The following OS9 variants were observed in gnomAD, a reference collection of about 807,000 sequenced individuals.
OS9 encodes protein OS-9.
In OS9, 58 loss-of-function variants were observed where a neutral mutation model predicts 84.7. The observed-to-expected ratio is 0.68, with a 90% CI of 0.55 to 0.85. The LOEUF is 0.85. Ranked by LOEUF, OS9 falls within the 40% of genes least tolerant of loss-of-function variation. OS9 has a pLI of 0.00. For missense variants in OS9, 760 were observed against 850.9 expected (o/e 0.89, Z 1.33); for synonymous variants, 278 against 320.8 (o/e 0.87, Z 1.43).
intron 5 of OS9, among the ~76,000 whole-genome samples, chr12:57,700,636 G>A (rs979090675): frequency 1.3e-5 from 2 of 152,118 alleles, no homozygotes; most frequent in African/African-American, 4.8e-5. Context: ...GGAACAACTG[G>A]TTAGCTATAT....
At chr12:57,697,256 T>G (rs17455486) in intron 5 of OS9, among the ~76,000 whole-genome samples, 2,962 of 152,272 alleles carry the variant, frequency 0.019, 39 homozygotes, top group Non-Finnish European at 0.03. Context: ...CTTGCAACAT[T>G]CTCCAAAACT....
chr12:57,699,059 G>A (rs1001829451), intron 5 of OS9, among the ~76,000 whole-genome samples: 1 of 152,132 alleles, frequency 6.6e-6, no homozygotes, highest in Admixed American at 6.5e-5. Context: ...AGATTTAGGG[G>A]GTAAAATCAA....
Position 57,718,133 on chromosome 12 carries a change from C to A in OS9, c.1135-13C>A. The A allele has an allele frequency of 6.2e-7, 1 of 1,610,864 alleles. No homozygotes were observed. The highest frequency in any genetic ancestry group is 8.5e-7 in the Non-Finnish European group (1 of 1,177,902). ...ACCCCAACTGTCTTTCTCCCCACTC[C>A]CTACCCACCCAGGGGAAGCCAAATA... On this transcript the variant is annotated splice_polypyrimidine_tract_variant and intron_variant, in intron 10 of 14. Transcript: ENST00000315970.
At chr12:57,698,329 G>A (rs1595032539) in intron 5 of OS9, among the ~76,000 whole-genome samples, 1 of 152,070 alleles carries the variant, frequency 6.6e-6, no homozygotes, top group South Asian at 2.1e-4. Context: ...CTAGTTATTC[G>A]TTTGGGTGTT....
In OS9 at chr12:57,715,784, A is replaced by G; in HGVS notation, c.604A>G (p.Ile202Val). 6.2e-7 allele frequency: 1 copy of G among 1,611,106 alleles called. No individual in the cohort carries two copies. The highest frequency in any genetic ancestry group is 8.5e-7 in the Non-Finnish European group (1 of 1,178,286). ...GTTCCTCTGTGACGAGGGTGCAGGT[A>G]TCTCTGGGGACTACATCGATCGCGT... is the stretch of plus-strand genomic sequence containing the variant. ...VRFLCDEGAG[I>V]SGDYIDRVDE... Residue 202 changes from isoleucine (I) to valine (V), a missense_variant, in exon 6 of 15, where the codon ATC (isoleucine) becomes GTC (valine). Ile to Val is a conservative substitution (Grantham distance 29, BLOSUM62 3). Coordinates refer to ENST00000315970, the MANE Select transcript of OS9 (RefSeq NM_006812.4).
intron 5 of OS9, among the ~76,000 whole-genome samples, chr12:57,711,231 C>G (rs1410143663): frequency 6.6e-6 from 1 of 151,244 alleles, no homozygotes; most frequent in Non-Finnish European, 1.5e-5. Context: ...TATTTCCTTT[C>G]CCCTTTATTT....
intron 1 of OS9, 71 bp downstream of exon 1, chr12:57,694,394 G>A: frequency 1.3e-6 from 2 of 1,516,266 alleles, no homozygotes; most frequent in Non-Finnish European, 1.8e-6. Flanking sequence ...AAGAAGGGCA[G>A]CTCCGGAGTC....
At chr12:57,710,176 A>AT (rs1954287075) in intron 5 of OS9, among the ~76,000 whole-genome samples, 1 of 152,084 alleles carries the variant, frequency 6.6e-6, no homozygotes, top group Non-Finnish European at 1.5e-5. Flanking sequence ...TTAACTACTG[A>AT]TTCATTTTCT....
intron 5 of OS9, among the ~76,000 whole-genome samples, chr12:57,705,576 C>T (rs1954141891): frequency 6.6e-6 from 1 of 152,030 alleles, no homozygotes; most frequent in Admixed American, 6.6e-5. Context: ...GCTCTGTCAT[C>T]AAGGCTGGGG....
chr12:57,695,282 T>C, intron 2 of OS9: 1 of 388,208 alleles, frequency 2.6e-6, no homozygotes, highest in South Asian at 2.4e-5. Context: ...CTTTTCATGA[T>C]CTGAAATCAT....
intron 5 of OS9, among the ~76,000 whole-genome samples, chr12:57,714,958 A>G (rs151335529): frequency 3.9e-5 from 6 of 152,294 alleles, no homozygotes; most frequent in African/African-American, 1.4e-4. Context: ...AGGCCAATCA[A>G]TCTCTTTACC....
intron 11 of OS9, 133 bp downstream of exon 11, chr12:57,718,554 C>A: frequency 1.1e-6 from 1 of 929,962 alleles, no homozygotes. Context: ...TAGCTGTTTC[C>A]CTAATTAATC....
At chr12:57,708,276 A>T (rs1565774302) in intron 5 of OS9, among the ~76,000 whole-genome samples, 1 of 151,600 alleles carries the variant, frequency 6.6e-6, no homozygotes, top group African/African-American at 2.4e-5. Context: ...ATACTCTGAG[A>T]TTTTTTTAAA....
intron 8 of OS9, 47 bp from the exon 9 acceptor site, chr12:57,716,646 G>A: frequency 6.3e-7 from 1 of 1,580,176 alleles, no homozygotes; most frequent in Non-Finnish European, 8.7e-7. Flanking sequence ...AGTATGGAGG[G>A]CATGAACAGG....
intron 8 of OS9, 64 bp from the exon 9 acceptor site, chr12:57,716,629 C>T: frequency 6.4e-7 from 1 of 1,562,046 alleles, no homozygotes; most frequent in Non-Finnish European, 8.8e-7. Context: ...AGAACCTTTG[C>T]CTTCATAGTA....
chr12:57,720,016 T>A, intron 12 of OS9, 83 bp from the exon 13 acceptor site: 7 of 1,311,334 alleles, frequency 5.3e-6, no homozygotes, highest in Non-Finnish European at 7.4e-6. Context: ...CCAACTGATG[T>A]TTTAGGGGGA....
At chr12:57,705,367 A>T (rs1053065120) in intron 5 of OS9, among the ~76,000 whole-genome samples, 2 of 152,166 alleles carry the variant, frequency 1.3e-5, no homozygotes, top group African/African-American at 4.8e-5. Context: ...ATATTTTAGT[A>T]AAGCTTTAAT....
At chr12:57,713,909 A>G (rs1954404744) in intron 5 of OS9, among the ~76,000 whole-genome samples, 1 of 151,848 alleles carries the variant, frequency 6.6e-6, no homozygotes, top group Non-Finnish European at 1.5e-5. Flanking sequence ...TGAGCCCTGG[A>G]AAGCCTGGAC....
chr12:57,708,382 A>C (rs1462837854), intron 5 of OS9, among the ~76,000 whole-genome samples: 1 of 152,166 alleles, frequency 6.6e-6, no homozygotes, highest in Non-Finnish European at 1.5e-5. Flanking sequence ...CTGTAATCCT[A>C]GCACTTTGGG....
Sources: gnomAD v4.1 joint callset for allele counts (sites outside exome capture counted in the v4.1 genomes callset) on GRCh38, gnomAD v4.1.1 for gene constraint, MANE v1.5 for transcripts, NCBI Gene and HGNC (gene_info 2026-07-23, HGNC 2026-07-21) for gene names.